Variants in CD33 observed in about 807,000 individuals in gnomAD.
CD33 encodes the protein myeloid cell surface antigen CD33.
CD33 carries 25 observed loss-of-function variants against 31.4 expected under a neutral mutation model. The observed-to-expected ratio is 0.80, with a 90% CI of 0.58 to 1.11. The LOEUF (loss-of-function observed/expected upper bound fraction) is 1.11, where lower values mean the gene tolerates loss of function less well. CD33 is among the 50% of genes most tolerant of loss of function. The probability of loss-of-function intolerance (pLI) is 0.00; values close to 1 mark genes in which losing one functional copy is unlikely to be tolerated. For synonymous variants in CD33, 176 were observed against 180.6 expected (o/e 0.97, Z 0.20); for missense variants, 407 against 448.1 (o/e 0.91, Z 0.83).
chr19:51,233,385 C>A (rs1268818287), intron 4 of CD33, among the ~76,000 whole-genome samples: 4 of 152,218 alleles, frequency 2.6e-5, no homozygotes, highest in Non-Finnish European at 5.9e-5. Flanking sequence ...GGTTTCTCTG[C>A]TGTTCAGGGC....
chr19:51,235,481 G>A, intron 5 of CD33, 114 bp from the exon 6 acceptor site: 1 of 1,465,950 alleles, frequency 6.8e-7, no homozygotes, highest in Non-Finnish European at 9.0e-7. Flanking sequence ...TCTTGTTTGA[G>A]GGCTCCTGGA....
At chr19:51,213,668 C>T in the CD33 span, among the ~76,000 whole-genome samples, 1 of 148,752 alleles carries the variant, frequency 6.7e-6, no homozygotes, top group Non-Finnish European at 1.5e-5. Flanking sequence ...TCGCAAGTAG[C>T]TGAGTTTACA....
intron 4 of CD33, among the ~76,000 whole-genome samples, chr19:51,231,518 C>T (rs1981409728): frequency 6.6e-6 from 1 of 151,736 alleles, no homozygotes; most frequent in Non-Finnish European, 1.5e-5. Flanking sequence ...AGGTTATTTT[C>T]ATTTCATTGA....
chr19:51,211,452 G>T, the CD33 span: 4 of 1,569,136 alleles, frequency 2.5e-6, no homozygotes, highest in Non-Finnish European at 3.5e-6. Context: ...GCCTCCTTGG[G>T]GATCCCAGTA....
chr19:51,214,928 AG>A, the CD33 span, among the ~76,000 whole-genome samples: 1 of 152,222 alleles, frequency 6.6e-6, no homozygotes, highest in African/African-American at 2.4e-5. Flanking sequence ...TCTCACAGCC[AG>A]GGATGCCTGA....
rs1452954275 is a variant in CD33, at chr19:51,235,610, G to A, written c.858G>A (p.Arg286=). The change falls in exon 6 of 7, where the codon AGG becomes AGA. Residue 286 remains arginine (R), a synonymous_variant. Coordinates refer to ENST00000262262, the MANE Select transcript of CD33 (RefSeq NM_001772.4). ...CTCCCATCAGAGTGAAGACCCACAG[G>A]AGGAAAGCAGCCAGGACAGCAGTGG... ...CLIFFIVKTH[R]RKAARTAVGR... is the part of the protein sequence containing the mutation. 9 of 1,613,864 alleles carry A rather than the reference G, an allele frequency of 5.6e-6. No homozygotes were observed. The highest frequency in any genetic ancestry group is 7.6e-6 in the Non-Finnish European group (9 of 1,179,938).
At chr19:51,211,525 C>T in the CD33 span, 19,873 of 1,529,776 alleles carry the variant, frequency 0.013, 157 homozygotes, top group Non-Finnish European at 0.015. Flanking sequence ...ATACTTCTTT[C>T]GGATGGAGAG....
chr19:51,231,240 G>A (rs1981383123), intron 4 of CD33, among the ~76,000 whole-genome samples: 1 of 152,182 alleles, frequency 6.6e-6, no homozygotes, highest in Non-Finnish European at 1.5e-5. Context: ...CTGCTTCTTT[G>A]TTTGATTACC....
intron 6 of CD33, chr19:51,237,096 G>C (rs1981857390): frequency 6.6e-6 from 1 of 152,262 alleles, no homozygotes; most frequent in Non-Finnish European, 1.5e-5. Flanking sequence ...TTGCTGGGCT[G>C]TCCCCTCCTC....
the CD33 span, chr19:51,211,158 G>T: frequency 6.3e-7 from 1 of 1,597,826 alleles, no homozygotes; most frequent in Non-Finnish European, 8.5e-7. Flanking sequence ...GAATGGCTGC[G>T]GGGAGAGGGG....
At chr19:51,233,964 C>G (rs1981601956) in intron 4 of CD33, among the ~76,000 whole-genome samples, 1 of 152,248 alleles carries the variant, frequency 6.6e-6, no homozygotes, top group Non-Finnish European at 1.5e-5. Context: ...TGCCTTGGTC[C>G]TTTCTTGTCT....
the CD33 span, among the ~76,000 whole-genome samples, chr19:51,214,142 G>A: frequency 1.8e-3 from 273 of 148,360 alleles, 1 homozygote; most frequent in African/African-American, 6.4e-3. Flanking sequence ...TTACAGGCAT[G>A]AGCCACCATG....
chr19:51,231,550 T>C (rs963753998), intron 4 of CD33, among the ~76,000 whole-genome samples: 2 of 151,910 alleles, frequency 1.3e-5, no homozygotes, highest in Non-Finnish European at 2.9e-5. Context: ...TTGTTTTATA[T>C]ATTCCTGGTT....
chr19:51,236,163 GAA>G, intron 6 of CD33: 1 of 307,336 alleles, frequency 3.3e-6, no homozygotes, highest in Non-Finnish European at 6.3e-6. Flanking sequence ...GTCCCAAAAA[GAA>G]AAAAAAAATA....
the CD33 span, among the ~76,000 whole-genome samples, chr19:51,212,256 C>G: frequency 2.0e-5 from 3 of 152,044 alleles, no homozygotes; most frequent in Non-Finnish European, 4.4e-5. Context: ...GAGTGCCGCC[C>G]TTATCTCACC....
chr19:51,235,998 A>G (rs1347927114), intron 6 of CD33: 1 of 600,828 alleles, frequency 1.7e-6, no homozygotes, highest in Non-Finnish European at 3.0e-6. Context: ...CTCTACTAAA[A>G]ATACAAAAAA....
At chr19:51,211,322 A>G in the CD33 span, 1 of 1,560,658 alleles carries the variant, frequency 6.4e-7, no homozygotes, top group Admixed American at 1.7e-5. Context: ...CCCTACTACA[A>G]CAGGAATTTC....
At chr19:51,228,026 T>C (rs1160219520) in intron 4 of CD33, among the ~76,000 whole-genome samples, 7 of 152,224 alleles carry the variant, frequency 4.6e-5, no homozygotes, top group Non-Finnish European at 7.3e-5. Flanking sequence ...CAGTTGGCTG[T>C]AGATCGTGGA....
chr19:51,229,080 T>C (rs1981231925), intron 4 of CD33, among the ~76,000 whole-genome samples: 1 of 152,192 alleles, frequency 6.6e-6, no homozygotes, highest in Admixed American at 6.5e-5. Context: ...ACCTAATTTA[T>C]TGAGAGTTTC....
Sources: allele counts gnomAD v4.1 joint callset (sites outside exome capture counted in the v4.1 genomes callset), GRCh38; gene constraint gnomAD v4.1.1; transcripts MANE v1.5; gene names NCBI Gene and HGNC (gene_info 2026-07-23, HGNC 2026-07-21).